PIP4K2C: variants seen among roughly 807,000 people sequenced by gnomAD.
PIP4K2C encodes phosphatidylinositol-5-phosphate 4-kinase type 2 gamma, also known as phosphatidylinositol 5-phosphate 4-kinase type-2 gamma.
In PIP4K2C, 21 loss-of-function variants were observed where a neutral mutation model predicts 45.0. The ratio of observed to expected loss-of-function variants is 0.47; its 90% CI spans 0.33 to 0.67. The LOEUF (loss-of-function observed/expected upper bound fraction) is 0.67, where lower values mean the gene tolerates loss of function less well. Ranked by LOEUF, PIP4K2C falls within the 30% of genes least tolerant of loss-of-function variation. The pLI, the probability that PIP4K2C is intolerant of heterozygous loss-of-function variation, is 0.02. For missense variants in PIP4K2C, 456 were observed against 542.8 expected (o/e 0.84, Z 1.59); for synonymous variants, 201 against 204.8 (o/e 0.98, Z 0.16).
At chr12:57,600,500 C>G (rs1444259849) in intron 7 of PIP4K2C, 63 bp downstream of exon 7, 1 of 1,137,444 alleles carries the variant, frequency 8.8e-7, no homozygotes, top group Non-Finnish European at 1.3e-6. Context: ...GTAGTTGTCT[C>G]TTTCATTCAC....
intron 4 of PIP4K2C, 120 bp from the exon 5 acceptor site, chr12:57,598,943 TTG>T (rs941258325): frequency 4.5e-6 from 5 of 1,104,908 alleles, no homozygotes; most frequent in Non-Finnish European, 1.3e-6. Flanking sequence ...ACTTTTGACT[TTG>T]TAATCTCTCT....
intron 4 of PIP4K2C, among the ~76,000 whole-genome samples, chr12:57,598,664 G>A (rs112067870): frequency 0.025 from 3,811 of 151,812 alleles, 81 homozygotes; most frequent in Non-Finnish European, 0.042. Flanking sequence ...TTTAAATTAT[G>A]GGAATCTAGC....
Position 57,599,223 on chromosome 12 carries a change from G to A in PIP4K2C, c.660+12G>A, listed in dbSNP as rs1330579680. 3.1e-6 allele frequency: 5 copies of A among 1,613,714 alleles called. No homozygotes were observed. The highest frequency in any genetic ancestry group is 1.3e-5 in the African/African-American group (1 of 74,920). On this transcript the variant is annotated intron_variant, in intron 5 of 9. Transcript: ENST00000354947. ...AGTATGACCTCAAGGTAAGAAGAGG[G>A]TAGCTCGGACTTAGAGGGAGGCTCC...
intron 1 of PIP4K2C, among the ~76,000 whole-genome samples, chr12:57,591,863 G>A (rs1009380743): frequency 6.6e-6 from 1 of 150,418 alleles, no homozygotes; most frequent in Non-Finnish European, 1.5e-5. Context: ...GCCGAGGGGA[G>A]TAGATGGATG....
intron 1 of PIP4K2C, 141 bp downstream of exon 1, chr12:57,591,604 C>A: frequency 1.1e-6 from 1 of 900,984 alleles, no homozygotes; most frequent in East Asian, 3.0e-5. Flanking sequence ...CCCACCAACC[C>A]CAGGTGTTCC....
intron 4 of PIP4K2C, 88 bp from the exon 5 acceptor site, chr12:57,598,977 C>T: frequency 7.0e-7 from 1 of 1,421,246 alleles, no homozygotes; most frequent in Non-Finnish European, 9.7e-7. Flanking sequence ...TCTGCTCTAC[C>T]CTGGAATGGC....
At chr12:57,596,877 C>T (rs954118458) in intron 4 of PIP4K2C, among the ~76,000 whole-genome samples, 1 of 152,140 alleles carries the variant, frequency 6.6e-6, no homozygotes, top group African/African-American at 2.4e-5. Context: ...ACCTGGGAGG[C>T]TAAAGAGAGT....
chr12:57,598,027 T>A (rs1023415094), intron 4 of PIP4K2C: 1 of 152,164 alleles, frequency 6.6e-6, no homozygotes, highest in Non-Finnish European at 1.5e-5. Flanking sequence ...AGGTTGGCTG[T>A]GAAGAGAAAG....
Position 57,591,363 on chromosome 12 carries a change from C to T in PIP4K2C, c.74C>T (p.Ala25Val). The T allele has an allele frequency of 1.9e-6, 3 of 1,613,818 alleles. No individual in the cohort carries two copies. The highest frequency in any genetic ancestry group is 2.5e-6 in the Non-Finnish European group (3 of 1,179,894). The stretch of plus-strand genomic sequence containing the variant: ...GGCCCCGGCCCAGGTTTCGGCTTCG[C>T]CTCCAAGACCAAGAAGAAGCATTTC... ...TAGPGPGFGFASKTKKKHFVQ... is the reference protein window; with the variant it reads ...TAGPGPGFGFVSKTKKKHFVQ... The change falls in exon 1 of 10, where the codon GCC becomes GTC. Residue 25 changes from alanine (A) to valine (V), a missense_variant. Around this residue, in one of 2 missense-constraint regions of PIP4K2C, gnomAD observed 421 missense variants for 473.1 expected, o/e 0.89. Coordinates refer to ENST00000354947, the MANE Select transcript of PIP4K2C (RefSeq NM_024779.5).
At position 57,601,252 on chromosome 12, in the gene PIP4K2C, C is replaced by G. The variant is rs771453898; in HGVS notation, c.1089C>G (p.Pro363=). Residue 363 remains proline, a synonymous_variant, in exon 9 of 10, where the codon CCC becomes CCG. Coordinates refer to ENST00000354947, the MANE Select transcript of PIP4K2C (RefSeq NM_024779.5). ...TGTTGGTCTCTCTCCCAGGAGCCCC[C>G]CAGAAGGAGGTCTACTTCATGGGCC... ...VYAIRSAEGA[P]QKEVYFMGLI... 74 of 1,612,250 alleles carry G rather than the reference C, an allele frequency of 4.6e-5. 1 individual carries two copies. In the Admixed American group the frequency reaches 1.2e-3, roughly 27 times the overall value.
chr12:57,596,838 C>G (rs1255066805), intron 4 of PIP4K2C, among the ~76,000 whole-genome samples: 2 of 152,162 alleles, frequency 1.3e-5, no homozygotes, highest in Non-Finnish European at 2.9e-5. Context: ...TAGTGAAGAG[C>G]ATCCGAACTC....
chr12:57,591,355 C>T lies in PIP4K2C; in HGVS notation c.66C>T (p.Phe22=), dbSNP rs771743759. ...SAATAGPGPG[F]GFASKTKKKH... ...CGACAGCAGGCCCCGGCCCAGGTTT[C>T]GGCTTCGCCTCCAAGACCAAGAAGA... The change falls in exon 1 of 10, where the codon TTC becomes TTT. Residue 22 remains phenylalanine (F), a synonymous_variant. Transcript: ENST00000354947. 6.2e-7 allele frequency: 1 copy of T among 1,613,732 alleles called. No homozygotes were observed. Among genetic ancestry groups the T allele is most frequent in the South Asian group, 1.1e-5 (1 of 91,076 alleles).
rs543355866 is a variant in PIP4K2C at position 57,591,238 on chromosome 12, G to T, written c.-52G>T. The T allele has an allele frequency of 2.6e-5, 41 of 1,551,010 alleles. No homozygotes were observed. In the East Asian group the frequency reaches 7.2e-4, roughly 27 times the overall value. On this transcript the variant is annotated 5_prime_UTR_variant, in exon 1 of 10. Transcript: ENST00000354947. The stretch of plus-strand genomic sequence containing the variant: ...GTGAGCGCCGCTTCCGGGGTCGGGC[G>T]CCTGGATAGCTGCCGGCTCCGGCTT...
chr12:57,601,181 G>A, intron 8 of PIP4K2C, 64 bp from the exon 9 acceptor site: 2 of 1,588,724 alleles, frequency 1.3e-6, no homozygotes, highest in Non-Finnish European at 1.7e-6. Context: ...GAACAAAACT[G>A]ACTGCTTCCT....
chr12:57,600,221 G>A (rs954779760), intron 6 of PIP4K2C, 103 bp from the exon 7 acceptor site: 21 of 656,820 alleles, frequency 3.2e-5, no homozygotes, highest in Middle Eastern at 4.1e-4. Flanking sequence ...TGTGGAGTTA[G>A]ATGAGATCTA....
chr12:57,598,446 G>T (rs1419115069), intron 4 of PIP4K2C, among the ~76,000 whole-genome samples: 1 of 150,228 alleles, frequency 6.7e-6, no homozygotes, highest in African/African-American at 2.5e-5. Flanking sequence ...GCTTGAACCT[G>T]GGAGGAGGCG....
At chr12:57,599,310 A>G (rs1883326726) in intron 5 of PIP4K2C, 90 bp from the exon 6 acceptor site, 1 of 1,605,810 alleles carries the variant, frequency 6.2e-7, no homozygotes, top group Non-Finnish European at 8.5e-7. Flanking sequence ...TAAGGGAAAG[A>G]AGGCTGGGTT....
chr12:57,591,457 C>G lies in PIP4K2C; in HGVS notation c.168C>G (p.Ala56=), dbSNP rs753306015. The G allele has an allele frequency of 1.5e-5, 24 of 1,610,512 alleles. No individual in the cohort carries two copies. Among genetic ancestry groups the G allele is most frequent in the Non-Finnish European group, 1.9e-5 (22 of 1,178,364 alleles). Residue 56 remains alanine (A), a synonymous_variant, in exon 1 of 10, where the codon GCC becomes GCG. Coordinates refer to ENST00000354947, the MANE Select transcript of PIP4K2C (RefSeq NM_024779.5). The stretch of plus-strand genomic sequence containing the variant: ...TGGGTGTGTTCCTGTGGGGCGTAGC[C>G]CACTCGGTGAGAACCAGCCCTAGAC... ...PLVGVFLWGV[A]HSINELSQVP...
At chr12:57,594,798 A>C (rs912693985) in intron 2 of PIP4K2C, among the ~76,000 whole-genome samples, 3 of 152,006 alleles carry the variant, frequency 2.0e-5, no homozygotes, top group Non-Finnish European at 4.4e-5. Flanking sequence ...GCAAAACCCT[A>C]TCTCTACTAA....
Sources: allele counts gnomAD v4.1 joint callset (sites outside exome capture counted in the v4.1 genomes callset), GRCh38; gene constraint gnomAD v4.1.1; regional missense constraint gnomAD v4.1.1; transcripts MANE v1.5; gene names NCBI Gene and HGNC (gene_info 2026-07-23, HGNC 2026-07-21).